The following USP20 variants were observed in gnomAD, a reference collection of about 807,000 sequenced individuals.
USP20 encodes the protein ubiquitin specific peptidase 20.
Under a neutral mutation model 124.2 loss-of-function variants are expected in USP20, and 80 were observed. The ratio of observed to expected loss-of-function variants is 0.64; its 90% CI spans 0.54 to 0.78. USP20 has a LOEUF of 0.78. Among genes scored for constraint, USP20 ranks in the 30% least tolerant of loss-of-function variants. USP20 has a pLI of 0.00. For missense variants in USP20, 1,043 were observed against 1,244.4 expected, an observed-to-expected ratio of 0.84 and a Z score of 2.44; for synonymous variants, 481 against 512.3, an observed-to-expected ratio of 0.94 and a Z score of 0.83.
Position 129,879,578 on chromosome 9 carries a change from C to G in USP20, c.2518C>G (p.Pro840Ala). The change falls in exon 24 of 26, where the codon CCC becomes GCC. Residue 840 changes from proline (P) to alanine (A), a missense_variant. Physicochemically the swap from Pro to Ala is conservative, Grantham distance 27 (BLOSUM62 -1). Transcript: ENST00000372429. The surrounding 1 kb of genome is among the most constrained non-coding windows in gnomAD (Gnocchi z 4.2). The stretch of plus-strand genomic sequence containing the variant: ...GCCCGCTGTGTCTGTTGCAGAGCCC[C>G]CCGGGCCCATTGACAACAGCAGGAT... ...AFVKGKDNEPPGPIDNSRIAQ... is the reference protein window; with the variant it reads ...AFVKGKDNEPAGPIDNSRIAQ... The G allele has an allele frequency of 6.2e-7, 1 of 1,613,598 alleles. No individual in the cohort carries two copies. Among genetic ancestry groups the G allele is most frequent in the Non-Finnish European group, 8.5e-7 (1 of 1,179,954 alleles).
At chr9:129,846,871 C>T (rs1564197651) in intron 1 of USP20, among the ~76,000 whole-genome samples, 1 of 152,172 alleles carries the variant, frequency 6.6e-6, no homozygotes, top group Non-Finnish European at 1.5e-5. Context: ...AAGTGATCCG[C>T]CTGCCTCAGC....
intron 1 of USP20, among the ~76,000 whole-genome samples, chr9:129,847,371 C>T (rs1179400074): frequency 6.7e-6 from 1 of 149,538 alleles, no homozygotes; most frequent in African/African-American, 2.5e-5. Flanking sequence ...GGTGCGATCT[C>T]AGCTCACTGC....
chr9:129,843,069 C>T (rs1436916996), intron 1 of USP20, among the ~76,000 whole-genome samples: 1 of 151,686 alleles, frequency 6.6e-6, no homozygotes, highest in Non-Finnish European at 1.5e-5. Flanking sequence ...TAAAGGGAAG[C>T]TTATCAATAT....
Position 129,880,517 on chromosome 9 carries a change from C to T in USP20, c.*67C>T, listed in dbSNP as rs3739856. ...GCGTGTTTGTGCCCAGAAGAGAGGC[C>T]GGGCTGCTGCAGAACCCCGCCGTGT... On this transcript the variant is annotated 3_prime_UTR_variant, in exon 26 of 26. Transcript: ENST00000372429. 1,916 of 544,056 alleles carry T rather than the reference C, an allele frequency of 3.5e-3. 42 individuals carry two copies. In the East Asian group the frequency reaches 0.051, roughly 15 times the overall value. The allele number at this position is 544,056 out of a possible 1,614,324, so 33.7% of individuals were successfully genotyped here.
At chr9:129,861,669 A>G in intron 8 of USP20, 57 bp downstream of exon 8, 1 of 1,529,986 alleles carries the variant, frequency 6.5e-7, no homozygotes. Flanking sequence ...CCCCGGAAAC[A>G]GCAGCAGTAG....
intron 10 of USP20, among the ~76,000 whole-genome samples, chr9:129,866,958 G>A (rs2033848103): frequency 6.6e-6 from 1 of 152,064 alleles, no homozygotes; most frequent in Non-Finnish European, 1.5e-5. Flanking sequence ...CTTTGCCTTG[G>A]GGAGTCCCTC....
rs915649875 is a variant in USP20, at chr9:129,881,566, G to C, written c.*1116G>C. ...ATCAGTCTTTGTAGAAGCAGGTGGT[G>C]GTGGAAATTCCAGCAGGTGGGTCCC... On this transcript the variant is annotated 3_prime_UTR_variant, in exon 26 of 26. Transcript: ENST00000372429. 1 of 152,238 alleles carries C rather than the reference G, an allele frequency of 6.6e-6. No individual in the cohort carries two copies. Among genetic ancestry groups the C allele is most frequent in the African/African-American group, 2.4e-5 (1 of 41,462 alleles). 9.4% of individuals were successfully genotyped at this position (152,238 alleles called of 1,614,324 possible). A position where few individuals can be genotyped will look rare whatever the true frequency, so the allele number is the denominator to read the frequency against.
intron 7 of USP20, 51 bp from the exon 8 acceptor site, chr9:129,861,492 T>G (rs894827656): frequency 1.3e-6 from 2 of 1,567,614 alleles, no homozygotes; most frequent in African/African-American, 2.7e-5. Flanking sequence ...CAAGGTTTCC[T>G]CGGTGGGGCA....
At position 129,868,444 on chromosome 9, in the gene USP20, C is replaced by T. The variant is rs531993620; in HGVS notation, c.1130C>T (p.Thr377Met). ...CCACGGTCCTCCAGCCCCTGCCGGA[C>T]GCCAGGTATCAGCTGGCCGGGGACT... Reference protein sequence around the residue: ...PSPRSSSPCRTPEPDNDAHLR... With the variant: ...PSPRSSSPCRMPEPDNDAHLR... Residue 377 changes from threonine to methionine, a missense_variant, in exon 11 of 26, where the codon ACG (threonine) becomes ATG (methionine). Thr to Met is a moderately conservative substitution (Grantham distance 81). Coordinates refer to ENST00000372429, the MANE Select transcript of USP20 (RefSeq NM_001110303.4). 30 of 1,609,554 alleles carry T rather than the reference C, an allele frequency of 1.9e-5. No homozygotes were observed. Among genetic ancestry groups the T allele is most frequent in the Middle Eastern group, 1.7e-4 (1 of 6,032 alleles).
intron 24 of USP20, 106 bp from the exon 25 acceptor site, chr9:129,880,007 C>A: frequency 7.2e-7 from 1 of 1,392,110 alleles, no homozygotes; most frequent in Non-Finnish European, 9.7e-7. Context: ...CCCTGGTTGC[C>A]GTCTTCCCGC....
intron 4 of USP20, among the ~76,000 whole-genome samples, chr9:129,857,709 A>C (rs566580032): frequency 1.3e-5 from 2 of 152,306 alleles, no homozygotes; most frequent in African/African-American, 4.8e-5. Flanking sequence ...AACTGACCCC[A>C]CTTCACATGG....
At chr9:129,844,239 T>G (rs1478308713) in intron 1 of USP20, among the ~76,000 whole-genome samples, 1 of 152,204 alleles carries the variant, frequency 6.6e-6, no homozygotes, top group East Asian at 1.9e-4. Context: ...CTATTAGAAA[T>G]GAAGCTGAAA....
At chr9:129,850,706 G>A (rs1048794176) in intron 2 of USP20, among the ~76,000 whole-genome samples, 31 of 152,026 alleles carry the variant, frequency 2.0e-4, no homozygotes, top group African/African-American at 6.8e-4. Flanking sequence ...CCTAGGCTGC[G>A]GTTCAATGGC....
intron 15 of USP20, among the ~76,000 whole-genome samples, chr9:129,873,179 G>C (rs976501420): frequency 7.8e-6 from 1 of 128,006 alleles, no homozygotes; most frequent in African/African-American, 2.9e-5. Context: ...AGCCCCCCAG[G>C]TTCGAGCGAT....
intron 12 of USP20, 38 bp from the exon 13 acceptor site, chr9:129,869,272 C>T (rs1386719458): frequency 1.3e-6 from 2 of 1,578,416 alleles, no homozygotes; most frequent in Non-Finnish European, 1.7e-6. Flanking sequence ...CCCGGCCAGG[C>T]AGGTGGAGGC....
chr9:129,855,282 T>G (rs1457278445), intron 3 of USP20, among the ~76,000 whole-genome samples: 1 of 151,990 alleles, frequency 6.6e-6, no homozygotes, highest in Non-Finnish European at 1.5e-5. Flanking sequence ...ATACAAAAAA[T>G]TAGCCGGGCG....
rs142905231 is a variant in USP20 at position 129,851,975 on chromosome 9, G to A, written c.-16-565G>A. 2.6e-3 allele frequency among the ~76,000 whole-genome samples: 396 copies of A among 151,008 alleles called. 4 individuals carry two copies. Among genetic ancestry groups the A allele is most frequent in the African/African-American group, 9.4e-3 (381 of 40,594 alleles). ...TGCTGCATGGCCTGCTCCCATGGTG[G>A]TCTGGTGTTCAAACCTCACTCCGCA... On this transcript the variant is annotated intron_variant, in intron 2 of 25. Coordinates refer to ENST00000372429, the MANE Select transcript of USP20 (RefSeq NM_001110303.4).
chr9:129,858,205 G>A (rs1232674564), intron 5 of USP20, 93 bp downstream of exon 5: 3 of 1,388,342 alleles, frequency 2.2e-6, no homozygotes, highest in East Asian at 2.3e-5. Flanking sequence ...CTAAATGGCT[G>A]GGGCAATAAA....
chr9:129,860,063 G>T (rs1395119239), intron 6 of USP20, among the ~76,000 whole-genome samples: 1 of 151,942 alleles, frequency 6.6e-6, no homozygotes, highest in Admixed American at 6.6e-5. Context: ...AGGCGCGGTG[G>T]CTCATTCCTG....
Sources: gnomAD v4.1 joint callset for allele counts (sites outside exome capture counted in the v4.1 genomes callset) on GRCh38, gnomAD v4.1.1 for gene constraint, Gnocchi (gnomAD v3.1) non-coding constraint, MANE v1.5 for transcripts, NCBI Gene and HGNC (gene_info 2026-07-23, HGNC 2026-07-21) for gene names.